The following KCNN3 variants were observed in gnomAD, a reference collection of about 807,000 sequenced individuals.
The protein encoded by KCNN3 is small conductance calcium-activated potassium channel protein 3.
A neutral mutation model predicts 62.9 loss-of-function variants in KCNN3; 16 were observed. That is an observed-to-expected ratio of 0.25 (90% CI 0.17 to 0.39). The LOEUF is 0.39. KCNN3 is among the 10% of genes least tolerant of loss of function. The probability of loss-of-function intolerance (pLI) is 1.00; values close to 1 mark genes in which losing one functional copy is unlikely to be tolerated. For synonymous variants in KCNN3, 370 were observed against 389.2 expected (o/e 0.95, Z 0.58); for missense variants, 599 against 949.4 (o/e 0.63, Z 4.85).
chr1:154,716,849 CG>C (rs1429653074), intron 5 of KCNN3, among the ~76,000 whole-genome samples: 4 of 152,104 alleles, frequency 2.6e-5, no homozygotes, highest in Non-Finnish European at 4.4e-5. Flanking sequence ...GCAAAAAAGG[CG>C]GCACGGAAGG....
At chr1:154,766,417 T>C (rs1212467273) in intron 3 of KCNN3, among the ~76,000 whole-genome samples, 1 of 10,528 alleles carries the variant, frequency 9.5e-5, no homozygotes, top group Non-Finnish European at 1.7e-4. Context: ...AGCCAGGCTT[T>C]ATATATATAT....
At position 154,829,516 on chromosome 1, in the gene KCNN3, A is replaced by G. The variant is rs536472789; in HGVS notation, c.934-7332T>C. Among the ~76,000 whole-genome samples, 4 of 151,890 alleles carry G rather than the reference A, an allele frequency of 2.6e-5. No homozygotes were observed. The East Asian group carries it at 5.8e-4, about 22-fold the overall frequency. The stretch of plus-strand genomic sequence containing the variant: ...GCTTCTGTTCTGGGCCCACCCCTCA[A>G]CCCCACAGCCAGGGGATGCTTGAGG... On this transcript the variant is annotated intron_variant, in intron 1 of 7. Transcript: ENST00000271915.
chr1:154,850,266 AC>A (rs1244548458), intron 1 of KCNN3, among the ~76,000 whole-genome samples: 1 of 152,226 alleles, frequency 6.6e-6, no homozygotes, highest in Non-Finnish European at 1.5e-5. Context: ...CCCCAATGAA[AC>A]AGATAAACTC....
At chr1:154,764,461 G>A (rs1648168542) in intron 3 of KCNN3, among the ~76,000 whole-genome samples, 1 of 152,116 alleles carries the variant, frequency 6.6e-6, no homozygotes, top group Non-Finnish European at 1.5e-5. Context: ...TAGAACTATG[G>A]TATGGATTAA....
At chr1:154,776,601 A>G (rs1648802131) in intron 2 of KCNN3, among the ~76,000 whole-genome samples, 1 of 152,138 alleles carries the variant, frequency 6.6e-6, no homozygotes, top group African/African-American at 2.4e-5. Context: ...TTGGAATCAC[A>G]GCTCTCCAAG....
At chr1:154,807,546 G>C (rs543525263) in intron 2 of KCNN3, among the ~76,000 whole-genome samples, 1 of 152,338 alleles carries the variant, frequency 6.6e-6, no homozygotes, top group African/African-American at 2.4e-5. Context: ...AAACCTGCAA[G>C]GTTGAATTCT....
At chr1:154,821,615 G>C (rs1044136846) in intron 2 of KCNN3, among the ~76,000 whole-genome samples, 5 of 152,214 alleles carry the variant, frequency 3.3e-5, no homozygotes, top group Admixed American at 1.3e-4. Flanking sequence ...ACCCACAAGG[G>C]TGAAGACCAC....
chr1:154,718,836 C>T (rs181207314), intron 5 of KCNN3, among the ~76,000 whole-genome samples: 1 of 152,324 alleles, frequency 6.6e-6, no homozygotes, highest in East Asian at 1.9e-4. Flanking sequence ...ATACTTAAAA[C>T]ATTAGCACAG....
chr1:154,785,577 T>C (rs1777898), intron 2 of KCNN3, among the ~76,000 whole-genome samples: 4,573 of 84,248 alleles, frequency 0.054, 132 homozygotes, highest in South Asian at 0.094. Context: ...TTTTTCTTTT[T>C]TTTTTTTTTT....
In KCNN3 at chr1:154,702,472, T is replaced by C. The variant is rs1325931237; in HGVS notation, c.*5504A>G. ...GTTTCTGAGCTTGCCATGAAAATGT[T>C]TCCTCCATTAACATCCTGTCATTCT... On this transcript the variant is annotated 3_prime_UTR_variant, in exon 8 of 8. Coordinates refer to ENST00000271915, the MANE Select transcript of KCNN3 (RefSeq NM_002249.6). The C allele has an allele frequency of 6.6e-6, 1 of 151,420 alleles. No homozygotes were observed. The highest frequency in any genetic ancestry group is 1.9e-4 in the East Asian group (1 of 5,154). The allele number at this position is 151,420 out of a possible 1,614,324, so 9.4% of individuals were successfully genotyped here.
chr1:154,768,574 T>A lies in KCNN3; in HGVS notation c.1448+3401A>T, dbSNP rs547408074. On this transcript the variant is annotated intron_variant, in intron 3 of 7. Coordinates refer to ENST00000271915, the MANE Select transcript of KCNN3 (RefSeq NM_002249.6). ...GACCCTGGAGCCTGGCTGAGTGTCCTACTAGAAGCAAACGGGGTTAGGCCT... is the reference window on the plus strand; with the variant it reads ...GACCCTGGAGCCTGGCTGAGTGTCCAACTAGAAGCAAACGGGGTTAGGCCT... Among the ~76,000 whole-genome samples the A allele has an allele frequency of 2.6e-5, 4 of 152,260 alleles. No individual in the cohort carries two copies. The East Asian group carries it at 5.8e-4, about 22-fold the overall frequency.
chr1:154,768,388 A>C (rs12404994), intron 3 of KCNN3, among the ~76,000 whole-genome samples: 56,585 of 152,144 alleles, frequency 0.37, 11,135 homozygotes, highest in East Asian at 0.64. Flanking sequence ...CCTGTTTAGG[A>C]AACAATATAT....
intron 3 of KCNN3, among the ~76,000 whole-genome samples, chr1:154,735,041 GAGA>G (rs1300208241): frequency 6.6e-6 from 1 of 152,222 alleles, no homozygotes; most frequent in Non-Finnish European, 1.5e-5. Context: ...GGAATTCTGG[GAGA>G]AGAAGCTTGG....
At chr1:154,771,683 T>C (rs1245821590) in intron 3 of KCNN3, among the ~76,000 whole-genome samples, 1 of 152,254 alleles carries the variant, frequency 6.6e-6, no homozygotes, top group Non-Finnish European at 1.5e-5. Context: ...CAATGTGTTA[T>C]ATGTGAGTTA....
chr1:154,787,200 G>A (rs931171748), intron 2 of KCNN3, among the ~76,000 whole-genome samples: 2 of 152,256 alleles, frequency 1.3e-5, no homozygotes, highest in Non-Finnish European at 2.9e-5. Context: ...TGAAAGCCGC[G>A]TTAGTCAGTG....
intron 2 of KCNN3, among the ~76,000 whole-genome samples, chr1:154,804,114 G>A (rs1309416612): frequency 1.3e-5 from 2 of 152,238 alleles, no homozygotes; most frequent in African/African-American, 2.4e-5. Flanking sequence ...CTTGAAAGGA[G>A]GGTAGGGCTA....
chr1:154,757,045 C>T (rs868752742), intron 3 of KCNN3, among the ~76,000 whole-genome samples: 22 of 151,970 alleles, frequency 1.4e-4, no homozygotes, highest in South Asian at 4.2e-4. Context: ...CTGCATTCTC[C>T]GGGAGCAAGC....
chr1:154,870,254 G>C lies in KCNN3; in HGVS notation c.-290C>G. 5 of 595,854 alleles carry C rather than the reference G, an allele frequency of 8.4e-6. No homozygotes were observed. The highest frequency in any genetic ancestry group is 1.6e-5 in the Non-Finnish European group (5 of 318,800). 36.9% of individuals were successfully genotyped at this position (595,854 alleles called of 1,614,324 possible). A position where few individuals can be genotyped will look rare whatever the true frequency, so the allele number is the denominator to read the frequency against. The stretch of plus-strand genomic sequence containing the variant: ...GTCCTCTAGGAGCGTGTGAGGCCAG[G>C]CTCAGCTTCACTCCTCGCTGGCTCA... On this transcript the variant is annotated 5_prime_UTR_variant, in exon 1 of 8. Transcript: ENST00000271915.
At chr1:154,762,106 A>G (rs1460412589) in intron 3 of KCNN3, among the ~76,000 whole-genome samples, 1 of 152,186 alleles carries the variant, frequency 6.6e-6, no homozygotes, top group Non-Finnish European at 1.5e-5. Context: ...ATTCTTTTCT[A>G]TTATAAACTG....
Sources: allele counts gnomAD v4.1 joint callset (sites outside exome capture counted in the v4.1 genomes callset), GRCh38; gene constraint gnomAD v4.1.1; transcripts MANE v1.5; gene names NCBI Gene and HGNC (gene_info 2026-07-23, HGNC 2026-07-21).